FAM219A: variants seen among roughly 807,000 people sequenced by gnomAD.
FAM219A encodes the protein protein FAM219A.
A neutral mutation model predicts 23.4 loss-of-function variants in FAM219A; 7 were observed. The ratio of observed to expected loss-of-function variants is 0.30; its 90% CI spans 0.17 to 0.56. The LOEUF (loss-of-function observed/expected upper bound fraction) is 0.56, where lower values mean the gene tolerates loss of function less well. Among genes scored for constraint, FAM219A ranks in the 20% least tolerant of loss-of-function variants. The pLI is 0.92. For synonymous variants in FAM219A, 93 were observed against 99.0 expected (o/e 0.94, Z 0.36); for missense variants, 166 against 246.9 (o/e 0.67, Z 2.20).
chr9:34,401,896 G>A (rs1182566475), intron 4 of FAM219A, among the ~76,000 whole-genome samples, 176 bp from the exon 5 acceptor site: 1 of 151,946 alleles, frequency 6.6e-6, no homozygotes, highest in East Asian at 1.9e-4. Context: ...AAGTTCCCTA[G>A]CCCCACCCTT....
At chr9:34,438,396 G>A (rs1241488134) in intron 1 of FAM219A, among the ~76,000 whole-genome samples, 1 of 152,246 alleles carries the variant, frequency 6.6e-6, no homozygotes, top group Non-Finnish European at 1.5e-5. Flanking sequence ...ACTGGGTGAA[G>A]CCAGCTGGGT....
rs1461800383 is a variant in FAM219A, at chr9:34,400,223, G to A, written c.*741C>T. 6.6e-6 allele frequency: 1 copy of A among 151,950 alleles called. No homozygotes were observed. Among genetic ancestry groups the A allele is most frequent in the African/African-American group, 2.4e-5 (1 of 41,318 alleles). 9.4% of individuals were successfully genotyped at this position (151,950 alleles called of 1,614,324 possible). On this transcript the variant is annotated 3_prime_UTR_variant, in exon 6 of 6. Coordinates refer to ENST00000651358, the MANE Select transcript of FAM219A (RefSeq NM_001184940.2). Reference sequence around the variant, plus strand: ...GGTGGGGGCAGGGTGGGGTGGGCTGGTGGCAGACAGATAGATGCATTGGTG... The same window carrying A: ...GGTGGGGGCAGGGTGGGGTGGGCTGATGGCAGACAGATAGATGCATTGGTG...
At chr9:34,439,167 G>C (rs549260175) in intron 1 of FAM219A, among the ~76,000 whole-genome samples, 1 of 152,168 alleles carries the variant, frequency 6.6e-6, no homozygotes, top group South Asian at 2.1e-4. Context: ...AACACACTCC[G>C]GACACGCCGC....
At position 34,437,798 on chromosome 9, in the gene FAM219A, C is replaced by A. The variant is rs71521233; in HGVS notation, c.60+20406G>T. 4.6e-5 allele frequency among the ~76,000 whole-genome samples: 7 copies of A among 152,378 alleles called. No homozygotes were observed. The South Asian group carries it at 1.2e-3, about 27-fold the overall frequency. On this transcript the variant is annotated intron_variant, in intron 1 of 5. Coordinates refer to ENST00000651358, the MANE Select transcript of FAM219A (RefSeq NM_001184940.2). ...CAGCCCTCGGTCGCTCTCAGCGCCT[C>A]CTCTGCCTGGGCTCCTACTTTGGTG... is the stretch of plus-strand genomic sequence containing the variant.
chr9:34,456,344 T>C (rs1160875748), intron 1 of FAM219A, among the ~76,000 whole-genome samples: 1 of 152,262 alleles, frequency 6.6e-6, no homozygotes. Flanking sequence ...TCAAGAGTTC[T>C]CTACCCAGCC....
chr9:34,414,266 A>C (rs927685668), intron 1 of FAM219A, among the ~76,000 whole-genome samples: 1 of 152,228 alleles, frequency 6.6e-6, no homozygotes. Context: ...CTTACTCTGC[A>C]GTATGACCTG....
chr9:34,420,532 G>C (rs941567996), intron 1 of FAM219A, among the ~76,000 whole-genome samples: 1 of 152,162 alleles, frequency 6.6e-6, no homozygotes, highest in East Asian at 1.9e-4. Flanking sequence ...ACCTCATTTT[G>C]GGGGGTCATT....
At chr9:34,402,309 A>G (rs766785154) in intron 4 of FAM219A, 78 bp downstream of exon 4, 6 of 1,613,864 alleles carry the variant, frequency 3.7e-6, no homozygotes, top group Non-Finnish European at 4.2e-6. Context: ...ACAATATAGC[A>G]GGTGTGGCCT....
chr9:34,401,748 T>C (rs1211654138), intron 4 of FAM219A, 28 bp from the exon 5 acceptor site: 1 of 1,599,368 alleles, frequency 6.3e-7, no homozygotes. Flanking sequence ...AGAGGGAAAG[T>C]GATACCAAGA....
intron 1 of FAM219A, among the ~76,000 whole-genome samples, chr9:34,407,314 T>C (rs537268097): frequency 7.6e-4 from 115 of 152,146 alleles, no homozygotes; most frequent in Non-Finnish European, 1.6e-3. Context: ...TATCAGCCTG[T>C]TGCAACATTT....
intron 1 of FAM219A, among the ~76,000 whole-genome samples, chr9:34,419,201 T>C (rs1822158525): frequency 1.3e-5 from 2 of 152,044 alleles, no homozygotes; most frequent in African/African-American, 4.8e-5. Flanking sequence ...GGCAGCAAAA[T>C]AAGAAGGTGT....
intron 1 of FAM219A, among the ~76,000 whole-genome samples, chr9:34,411,587 G>A (rs1265297897): frequency 6.6e-6 from 1 of 150,614 alleles, no homozygotes; most frequent in African/African-American, 2.4e-5. Flanking sequence ...TGAGGCAGGA[G>A]AATGGCTAGA....
intron 1 of FAM219A, among the ~76,000 whole-genome samples, chr9:34,425,085 A>G (rs1422055380): frequency 1.3e-5 from 2 of 152,254 alleles, no homozygotes; most frequent in Admixed American, 1.3e-4. Context: ...AATTACAGGC[A>G]TGAGCCACCG....
chr9:34,438,836 A>G (rs1225386261), intron 1 of FAM219A, among the ~76,000 whole-genome samples: 2 of 152,198 alleles, frequency 1.3e-5, no homozygotes, highest in African/African-American at 2.4e-5. Flanking sequence ...CAGGCTGCCC[A>G]AGCCAGCAGT....
intron 1 of FAM219A, among the ~76,000 whole-genome samples, chr9:34,448,556 T>A (rs755072486): frequency 6.6e-6 from 1 of 152,230 alleles, no homozygotes; most frequent in Non-Finnish European, 1.5e-5. Context: ...TATGCAGGAA[T>A]GTTTCTTGAG....
intron 1 of FAM219A, among the ~76,000 whole-genome samples, chr9:34,443,481 C>G (rs936533667): frequency 7.2e-5 from 11 of 152,138 alleles, no homozygotes; most frequent in African/African-American, 2.7e-4. Flanking sequence ...TAACCCATCT[C>G]CTCACTCTCT....
chr9:34,421,688 C>T (rs995634925), intron 1 of FAM219A, among the ~76,000 whole-genome samples: 2 of 152,002 alleles, frequency 1.3e-5, no homozygotes, highest in Non-Finnish European at 2.9e-5. Context: ...AGTACACCCC[C>T]CTGCCACAGC....
chr9:34,443,537 GCAACCCTTTCATTATCAT>G (rs1409123064), intron 1 of FAM219A, among the ~76,000 whole-genome samples: 1 of 152,126 alleles, frequency 6.6e-6, no homozygotes, highest in Non-Finnish European at 1.5e-5. Context: ...AAGAAAATCA[GCAACCCTTTCATTATCAT>G]CAACCCTTAG....
At chr9:34,425,619 G>A (rs7030592) in intron 1 of FAM219A, among the ~76,000 whole-genome samples, 73,271 of 152,068 alleles carry the variant, frequency 0.48, 18,786 homozygotes, top group Middle Eastern at 0.62. Context: ...TGCAGTTAGT[G>A]TTAAGGGGAG....
Sources: allele counts gnomAD v4.1 joint callset (sites outside exome capture counted in the v4.1 genomes callset), GRCh38; gene constraint gnomAD v4.1.1; transcripts MANE v1.5; gene names NCBI Gene and HGNC (gene_info 2026-07-23, HGNC 2026-07-21).